Variants in RBFOX2 observed in about 807,000 individuals in gnomAD.
RBFOX2 encodes the protein RNA binding fox-1 homolog 2, also known as RNA binding protein fox-1 homolog 2.
Under a neutral mutation model 49.1 loss-of-function variants are expected in RBFOX2, and 10 were observed. The observed-to-expected ratio is 0.20, with a 90% CI of 0.13 to 0.35. The LOEUF (loss-of-function observed/expected upper bound fraction) is 0.35. RBFOX2 is among the 10% of genes least tolerant of loss of function. RBFOX2 has a pLI of 1.00. For missense variants in RBFOX2, 323 were observed against 486.9 expected, an observed-to-expected ratio of 0.66 and a Z score of 3.17; for synonymous variants, 183 against 187.4, an observed-to-expected ratio of 0.98 and a Z score of 0.19.
At chr22:35,812,751 A>T (rs1245741232) in intron 1 of RBFOX2, among the ~76,000 whole-genome samples, 1 of 152,234 alleles carries the variant, frequency 6.6e-6, no homozygotes, top group African/African-American at 2.4e-5. Context: ...AACAAGGCCA[A>T]GGCGACTTTC....
chr22:35,853,080 G>T (rs2042123339), intron 1 of RBFOX2, among the ~76,000 whole-genome samples: 1 of 152,050 alleles, frequency 6.6e-6, no homozygotes, highest in South Asian at 2.1e-4. Context: ...GATCACCTAA[G>T]GTCAGGAGTT....
In RBFOX2 at chr22:35,778,246, C is replaced by T. The variant is rs148809503; in HGVS notation, c.400-168G>A. Among the ~76,000 whole-genome samples the T allele has an allele frequency of 2.2e-3, 331 of 152,288 alleles. 1 individual carries two copies. The highest frequency in any genetic ancestry group is 3.6e-3 in the Admixed American group (55 of 15,296). ...CCAATACCAGTTTCTGATTTTTCCT[C>T]GTCACTGAGCTGACAGTTTATCCAC... On this transcript the variant is annotated intron_variant, in intron 3 of 11. Transcript: ENST00000405409.
At chr22:35,826,834 C>G (rs993955041) in intron 1 of RBFOX2, among the ~76,000 whole-genome samples, 4 of 152,088 alleles carry the variant, frequency 2.6e-5, no homozygotes, top group Admixed American at 6.5e-5. Context: ...AGTAACAGAA[C>G]AATTATAACA....
chr22:36,013,646 CACAG>C (rs776492121), intron 1 of RBFOX2, among the ~76,000 whole-genome samples: 3 of 147,162 alleles, frequency 2.0e-5, no homozygotes, highest in Non-Finnish European at 4.4e-5. Context: ...CACACACACA[CACAG>C]AGAGAGAGAG....
chr22:35,971,784 A>T (rs1390845501), intron 1 of RBFOX2, among the ~76,000 whole-genome samples: 1 of 151,998 alleles, frequency 6.6e-6, no homozygotes, highest in Non-Finnish European at 1.5e-5. Flanking sequence ...GCTGCACAGG[A>T]AGTGCTGAGG....
At chr22:35,830,486 G>A (rs761000822) in intron 1 of RBFOX2, among the ~76,000 whole-genome samples, 49 of 152,162 alleles carry the variant, frequency 3.2e-4, no homozygotes, top group Admixed American at 2.2e-3. Flanking sequence ...TCTGAGAAAC[G>A]TGTCCTTAAG....
At chr22:36,012,212 A>T (rs2058848058) in intron 1 of RBFOX2, among the ~76,000 whole-genome samples, 1 of 152,116 alleles carries the variant, frequency 6.6e-6, no homozygotes, top group African/African-American at 2.4e-5. Flanking sequence ...AAACCAATGA[A>T]ATTCCTTTTG....
chr22:35,804,982 A>T (rs1051113361), intron 2 of RBFOX2, among the ~76,000 whole-genome samples: 2 of 152,028 alleles, frequency 1.3e-5, no homozygotes, highest in Admixed American at 6.6e-5. Flanking sequence ...GAAAACAAAC[A>T]ACCTGATTAA....
At chr22:35,971,396 T>C (rs1188962135) in intron 1 of RBFOX2, among the ~76,000 whole-genome samples, 1 of 152,170 alleles carries the variant, frequency 6.6e-6, no homozygotes, top group Non-Finnish European at 1.5e-5. Context: ...GGCTTGTTTT[T>C]CCAAGTCTCA....
chr22:35,871,645 G>A (rs976895016), intron 1 of RBFOX2, among the ~76,000 whole-genome samples: 1 of 152,144 alleles, frequency 6.6e-6, no homozygotes, highest in Non-Finnish European at 1.5e-5. Context: ...TAGCCACATG[G>A]AAAGGAATAC....
Position 35,905,791 on chromosome 22 carries a change from G to A in RBFOX2, c.-34+33056C>T, listed in dbSNP as rs5755982. Among the ~76,000 whole-genome samples the A allele has an allele frequency of 3.9e-5, 6 of 152,228 alleles. 1 individual carries two copies. In the East Asian group the frequency reaches 1.2e-3, roughly 29 times the overall value. On this transcript the variant is annotated intron_variant, in intron 1 of 13. Coordinates refer to the RBFOX2 transcript ENST00000359369. ...AATACCATTATGAAATACTCTAATAGAGTCATGCACTGCATAGCAATGTTT... is the reference window on the plus strand; with the variant it reads ...AATACCATTATGAAATACTCTAATAAAGTCATGCACTGCATAGCAATGTTT...
At chr22:35,852,180 T>G (rs544961080) in intron 1 of RBFOX2, among the ~76,000 whole-genome samples, 112 of 152,266 alleles carry the variant, frequency 7.4e-4, no homozygotes, top group Non-Finnish European at 1.4e-3. Context: ...TAGAGATAAT[T>G]TAAAGTCTAC....
At chr22:35,767,134 G>C (rs1286275945) in intron 5 of RBFOX2, among the ~76,000 whole-genome samples, 1 of 151,976 alleles carries the variant, frequency 6.6e-6, no homozygotes, top group Non-Finnish European at 1.5e-5. Flanking sequence ...TCACCATGAA[G>C]TCAGTAATCA....
chr22:36,025,986 C>T (rs932233601), intron 1 of RBFOX2, among the ~76,000 whole-genome samples: 3 of 152,058 alleles, frequency 2.0e-5, no homozygotes, highest in African/African-American at 2.4e-5. Flanking sequence ...TATAGAAGGC[C>T]GGGTGTGGTG....
At chr22:35,846,703 C>G (rs942005529) in intron 1 of RBFOX2, among the ~76,000 whole-genome samples, 23 of 151,942 alleles carry the variant, frequency 1.5e-4, no homozygotes, top group African/African-American at 4.8e-4. Flanking sequence ...TGCAGTGAGC[C>G]GAGATAACAC....
chr22:35,931,316 T>TA lies in RBFOX2; in HGVS notation c.-34+7530dup, dbSNP rs75649440. ...AGAGCAAAGCAAAAGCATGTTTAGT[T>TA]AAAAAAAAAAAAAAAAAGAGGATCA... On this transcript the variant is annotated intron_variant, in intron 1 of 13. Coordinates refer to the RBFOX2 transcript ENST00000359369. 4.9e-3 allele frequency among the ~76,000 whole-genome samples: 659 copies of TA among 135,322 alleles called. 6 individuals carry two copies. Among genetic ancestry groups the TA allele is most frequent in the East Asian group, 0.018 (84 of 4,678 alleles). The allele number at this position is 135,322 out of a possible 152,430, so 88.8% of individuals were successfully genotyped here. A position where few individuals can be genotyped will look rare whatever the true frequency, so the allele number is the denominator to read the frequency against.
chr22:35,795,135 T>G (rs943685779), intron 2 of RBFOX2, among the ~76,000 whole-genome samples: 1 of 152,186 alleles, frequency 6.6e-6, no homozygotes, highest in Non-Finnish European at 1.5e-5. Flanking sequence ...AAACTACTCA[T>G]AGACATCAAA....
intron 1 of RBFOX2, among the ~76,000 whole-genome samples, chr22:35,912,117 A>G (rs1376638773): frequency 6.6e-6 from 1 of 152,182 alleles, no homozygotes; most frequent in Non-Finnish European, 1.5e-5. Context: ...TATAACAGGC[A>G]CATAATAAAC....
chr22:35,982,335 C>A (rs537559756), intron 1 of RBFOX2, among the ~76,000 whole-genome samples: 4 of 152,184 alleles, frequency 2.6e-5, no homozygotes, highest in South Asian at 4.2e-4. Context: ...GGTCCCTTTC[C>A]CTGACTTCCA....
Sources: gnomAD v4.1 joint callset for allele counts (sites outside exome capture counted in the v4.1 genomes callset) on GRCh38, gnomAD v4.1.1 for gene constraint, MANE v1.5 for transcripts, NCBI Gene and HGNC (gene_info 2026-07-23, HGNC 2026-07-21) for gene names.